FOXP4: variants seen among roughly 807,000 people sequenced by gnomAD.
FOXP4 encodes forkhead box P4.
Under a neutral mutation model 82.6 loss-of-function variants are expected in FOXP4, and 25 were observed. The ratio of observed to expected loss-of-function variants is 0.30; its 90% CI spans 0.22 to 0.42. FOXP4 has a LOEUF of 0.42. FOXP4 is among the 10% of genes least tolerant of loss of function. FOXP4 has a pLI of 1.00. For missense variants in FOXP4, 785 were observed against 900.9 expected, an observed-to-expected ratio of 0.87 and a Z score of 1.65; for synonymous variants, 415 against 388.2, an observed-to-expected ratio of 1.07 and a Z score of -0.81.
chr6:41,595,119 G>A, intron 14 of FOXP4, 128 bp downstream of exon 14: 1 of 1,415,344 alleles, frequency 7.1e-7, no homozygotes, highest in Admixed American at 2.1e-5. Flanking sequence ...GGGGTGTGGG[G>A]AGAAAGGAGC....
chr6:41,592,982 T>G (rs1246320423), intron 13 of FOXP4, among the ~76,000 whole-genome samples: 1 of 149,396 alleles, frequency 6.7e-6, no homozygotes, highest in Non-Finnish European at 1.5e-5. Context: ...AACGACTAAG[T>G]GGGTGACTTT....
At chr6:41,567,760 G>A (rs1372388752) in intron 2 of FOXP4, among the ~76,000 whole-genome samples, 1 of 152,224 alleles carries the variant, frequency 6.6e-6, no homozygotes, top group East Asian at 1.9e-4. Flanking sequence ...TCTTGGTTCT[G>A]CGTTGCACAT....
intron 1 of FOXP4, among the ~76,000 whole-genome samples, chr6:41,561,531 C>T (rs1021025876): frequency 2.0e-5 from 3 of 152,144 alleles, no homozygotes; most frequent in Admixed American, 6.5e-5. Flanking sequence ...CTTCCTGTTC[C>T]GCAGGTGTTC....
chr6:41,578,981 G>A (rs1765651980), intron 3 of FOXP4, among the ~76,000 whole-genome samples: 1 of 152,078 alleles, frequency 6.6e-6, no homozygotes, highest in African/African-American at 2.4e-5. Context: ...GAGGTGCTCT[G>A]GAGTCTGGGG....
chr6:41,569,595 G>A (rs569958694), intron 2 of FOXP4, among the ~76,000 whole-genome samples: 1 of 152,170 alleles, frequency 6.6e-6, no homozygotes. Flanking sequence ...CTTGGGGGCT[G>A]GTCTGGGTGC....
chr6:41,568,722 T>G (rs1765020214), intron 2 of FOXP4, among the ~76,000 whole-genome samples: 1 of 152,210 alleles, frequency 6.6e-6, no homozygotes, highest in African/African-American at 2.4e-5. Flanking sequence ...TCTGCCTTTG[T>G]CTGTCTGTTG....
Position 41,587,823 on chromosome 6 carries a change from C to T in FOXP4, c.903C>T (p.His301=), listed in dbSNP as rs1242413773. The change falls in exon 8 of 17, where the codon CAC becomes CAT. Residue 301 remains histidine (H), a synonymous_variant. Coordinates refer to ENST00000307972, the MANE Select transcript of FOXP4 (RefSeq NM_001012426.2). ...CCCACGAGGAGACCCCCGGCTCCCACCCCCTGTACGGACACGGAGAGTGCA... is the reference window on the plus strand; with the variant it reads ...CCCACGAGGAGACCCCCGGCTCCCATCCCCTGTACGGACACGGAGAGTGCA... ...SSSHEETPGS[H]PLYGHGECKW... 2 of 1,569,930 alleles carry T rather than the reference C, an allele frequency of 1.3e-6. No homozygotes were observed. The highest frequency in any genetic ancestry group is 1.7e-6 in the Non-Finnish European group (2 of 1,155,936).
At chr6:41,584,912 G>A in intron 4 of FOXP4, 21 bp downstream of exon 4, 1 of 1,598,738 alleles carries the variant, frequency 6.3e-7, no homozygotes. Flanking sequence ...CCCCAGGGCA[G>A]CTGGTCCCTC....
chr6:41,573,794 A>G (rs927428089), intron 2 of FOXP4, among the ~76,000 whole-genome samples: 2 of 152,166 alleles, frequency 1.3e-5, no homozygotes, highest in Non-Finnish European at 2.9e-5. Flanking sequence ...TGACTTGCCC[A>G]AGGTTACCCA....
Position 41,588,649 on chromosome 6 carries a change from T to A in FOXP4, c.983T>A (p.Leu328His), listed in dbSNP as rs761140844. The change falls in exon 9 of 17, where the codon CTC (leucine) becomes CAC (histidine). Residue 328 changes from leucine to histidine, a missense_variant. Physicochemically the swap from Leu to His is moderately conservative, Grantham distance 99. Transcript: ENST00000307972. ...CEDLGQFIKH[L>H]NTEHALDDRS... ...CTCCTCTCTTCCCCTTGAAGACACC[T>A]CAACACAGAGCACGCCCTGGATGAC... 1 of 1,614,084 alleles carries A rather than the reference T, an allele frequency of 6.2e-7. No homozygotes were observed. The highest frequency in any genetic ancestry group is 8.5e-7 in the Non-Finnish European group (1 of 1,180,004).
chr6:41,595,381 G>A (rs921147390), intron 14 of FOXP4, among the ~76,000 whole-genome samples: 4 of 151,936 alleles, frequency 2.6e-5, no homozygotes, highest in Non-Finnish European at 5.9e-5. Context: ...TCATCAGGAT[G>A]ACTAGACCTC....
At chr6:41,559,159 C>G (rs1419196875) in intron 1 of FOXP4, among the ~76,000 whole-genome samples, 1 of 152,236 alleles carries the variant, frequency 6.6e-6, no homozygotes, top group Non-Finnish European at 1.5e-5. Flanking sequence ...CTGCCCCTCT[C>G]CACTTACCTT....
intron 2 of FOXP4, among the ~76,000 whole-genome samples, chr6:41,569,291 C>T (rs991036639): frequency 6.6e-6 from 1 of 152,202 alleles, no homozygotes; most frequent in Non-Finnish European, 1.5e-5. Context: ...CATTGGTGAT[C>T]CCCAGCTGCT....
At chr6:41,553,022 G>A (rs1764085640) in intron 1 of FOXP4, among the ~76,000 whole-genome samples, 1 of 152,138 alleles carries the variant, frequency 6.6e-6, no homozygotes, top group Non-Finnish European at 1.5e-5. Flanking sequence ...CTGAAGCTGT[G>A]GGTTGGGAGC....
At chr6:41,552,012 A>T (rs1425332650) in intron 1 of FOXP4, among the ~76,000 whole-genome samples, 1 of 152,176 alleles carries the variant, frequency 6.6e-6, no homozygotes, top group Non-Finnish European at 1.5e-5. Context: ...CCCCCAGCTG[A>T]GACAGGACAT....
chr6:41,575,269 T>C (rs957138493), intron 2 of FOXP4, among the ~76,000 whole-genome samples: 1 of 152,204 alleles, frequency 6.6e-6, no homozygotes, highest in Non-Finnish European at 1.5e-5. Flanking sequence ...CGCCTGGCTA[T>C]CATTCTTTAT....
At chr6:41,582,233 CCT>C (rs1156324461) in intron 3 of FOXP4, among the ~76,000 whole-genome samples, 1 of 152,256 alleles carries the variant, frequency 6.6e-6, no homozygotes. Flanking sequence ...GGTTATTTAA[CCT>C]CTCTGGGCCT....
At position 41,597,669 on chromosome 6, in the gene FOXP4, C is replaced by A. The variant is rs962691317; in HGVS notation, c.1726-112C>A. ...GCCCAGACAGATCCGCCCGTGGGGC[C>A]AGTAGGCAGACACACAGGCAGCTCT... On this transcript the variant is annotated intron_variant, in intron 15 of 16. Transcript: ENST00000307972. The A allele has an allele frequency of 4.5e-6, 6 of 1,348,166 alleles. No homozygotes were observed. In the African/African-American group the frequency reaches 8.7e-5, roughly 20 times the overall value. 83.5% of individuals were successfully genotyped at this position (1,348,166 alleles called of 1,614,324 possible). A position where few individuals can be genotyped will look rare whatever the true frequency, so the allele number is the denominator to read the frequency against.
rs191260681 is a variant in FOXP4 at position 41,583,519 on chromosome 6, G to A, written c.301-1250G>A. 7.9e-5 allele frequency among the ~76,000 whole-genome samples: 12 copies of A among 152,308 alleles called. No homozygotes were observed. The South Asian group carries it at 1.9e-3, about 24-fold the overall frequency. On this transcript the variant is annotated intron_variant, in intron 3 of 16. Coordinates refer to ENST00000307972, the MANE Select transcript of FOXP4 (RefSeq NM_001012426.2). ...CCTGTAACCTTCCCTTCCTGCTTCC[G>A]GGCTGGCAGAGGGGCCTCTGAGGTG... is the stretch of plus-strand genomic sequence containing the variant.
Sources: allele counts gnomAD v4.1 joint callset (sites outside exome capture counted in the v4.1 genomes callset), GRCh38; gene constraint gnomAD v4.1.1; transcripts MANE v1.5; gene names NCBI Gene and HGNC (gene_info 2026-07-23, HGNC 2026-07-21).